TACC2: variants seen among roughly 807,000 people sequenced by gnomAD.
The protein encoded by TACC2 is transforming acidic coiled-coil-containing protein 2.
Under a neutral mutation model 227.3 loss-of-function variants are expected in TACC2, and 137 were observed. That is an observed-to-expected ratio of 0.60 (90% CI 0.52 to 0.69). The LOEUF (loss-of-function observed/expected upper bound fraction) is 0.69. Among genes scored for constraint, TACC2 ranks in the 30% least tolerant of loss-of-function variants. The pLI is 0.00. For missense variants in TACC2, 3,470 were observed against 3,694.4 expected (o/e 0.94, Z 1.57); for synonymous variants, 1,523 against 1,487.5 (o/e 1.02, Z -0.55).
intron 3 of TACC2, among the ~76,000 whole-genome samples, chr10:122,067,994 TTTG>T (rs918863941): frequency 7.2e-5 from 11 of 152,334 alleles, no homozygotes; most frequent in East Asian, 1.9e-4. Context: ...CTGATGCTTT[TTTG>T]TTGTTGTTGT....
chr10:122,221,802 G>A (rs898941188), intron 11 of TACC2, among the ~76,000 whole-genome samples: 3 of 152,128 alleles, frequency 2.0e-5, no homozygotes, highest in Admixed American at 2.0e-4. Context: ...GCTCCACTTG[G>A]AAGATAAGTC....
At chr10:122,075,413 T>G (rs923027946) in intron 3 of TACC2, among the ~76,000 whole-genome samples, 1 of 152,094 alleles carries the variant, frequency 6.6e-6, no homozygotes, top group Non-Finnish European at 1.5e-5. Context: ...ATTGTGGTAG[T>G]TCATCTCAAG....
At position 122,087,084 on chromosome 10, in the gene TACC2, C is replaced by T. The variant is rs374990835; in HGVS notation, c.4584C>T (p.Asp1528=). The T allele has an allele frequency of 2.6e-5, 42 of 1,611,778 alleles. No individual in the cohort carries two copies. The highest frequency in any genetic ancestry group is 1.7e-4 in the South Asian group (15 of 90,856). The change falls in exon 4 of 23, where the codon GAC becomes GAT. Residue 1528 remains aspartate, a synonymous_variant. Transcript: ENST00000369005. ...GTGTCCCACCCACACTGAGGGAAGA[C>T]GAGAGGCCAGAGGGGCCTGGGGCAG... ...MAGVPPTLRE[D]ERPEGPGAAW...
At chr10:122,223,762 A>G (rs1377509347) in intron 11 of TACC2, among the ~76,000 whole-genome samples, 1 of 152,240 alleles carries the variant, frequency 6.6e-6, no homozygotes, top group South Asian at 2.1e-4. Context: ...TTCATCTTAA[A>G]AAAAGTTGAA....
intron 2 of TACC2, among the ~76,000 whole-genome samples, chr10:122,029,496 G>A (rs1958659085): frequency 6.6e-6 from 1 of 152,068 alleles, no homozygotes; most frequent in Non-Finnish European, 1.5e-5. Context: ...GGTAATAGTA[G>A]CCTCACAAAA....
chr10:122,110,736 G>A (rs370874932), intron 5 of TACC2, among the ~76,000 whole-genome samples: 1 of 152,208 alleles, frequency 6.6e-6, no homozygotes, highest in East Asian at 1.9e-4. Flanking sequence ...TTAAGTCACA[G>A]TAATAACCAG....
chr10:122,118,518 T>C (rs1320010151), intron 5 of TACC2, among the ~76,000 whole-genome samples: 1 of 152,148 alleles, frequency 6.6e-6, no homozygotes, highest in East Asian at 1.9e-4. Context: ...TTTTCGTCAG[T>C]TCTTGTTGAA....
intron 16 of TACC2, among the ~76,000 whole-genome samples, chr10:122,234,962 C>T (rs1192344614): frequency 6.6e-6 from 1 of 152,142 alleles, no homozygotes; most frequent in African/African-American, 2.4e-5. Flanking sequence ...TCAGAAGGTC[C>T]ACGCTGAGTT....
At position 122,022,006 on chromosome 10, in the gene TACC2, G is replaced by A; in HGVS notation, c.25G>A (p.Asp9Asn). 6.2e-7 allele frequency: 1 copy of A among 1,614,122 alleles called. No individual in the cohort carries two copies. The highest frequency in any genetic ancestry group is 1.1e-5 in the South Asian group (1 of 91,084). The change falls in exon 2 of 23, where the codon GAC becomes AAC. Residue 9 changes from aspartate to asparagine, a missense_variant. Coordinates refer to ENST00000369005, the MANE Select transcript of TACC2 (RefSeq NM_206862.4). MGNENSTSDNQRTLSAQTP... is the reference protein window; with the variant it reads MGNENSTSNNQRTLSAQTP... Reference sequence around the variant, plus strand: ...CATGGGCAATGAGAACAGCACCTCGGACAACCAGGTGGGTGTCAGGAAGCT... The same window carrying A: ...CATGGGCAATGAGAACAGCACCTCGAACAACCAGGTGGGTGTCAGGAAGCT...
intron 18 of TACC2, among the ~76,000 whole-genome samples, chr10:122,240,815 A>G (rs2095975882): frequency 6.6e-6 from 1 of 152,204 alleles, no homozygotes; most frequent in African/African-American, 2.4e-5. Context: ...CTTTGGAGAA[A>G]GGACGTCTTC....
In TACC2 at chr10:122,074,104, G is replaced by A. The variant is rs528912653; in HGVS notation, c.147-8543G>A. Among the ~76,000 whole-genome samples, 13 of 124,498 alleles carry A rather than the reference G, an allele frequency of 1.0e-4. No individual in the cohort carries two copies. The East Asian group carries it at 1.5e-3, about 14-fold the overall frequency. The allele number at this position is 124,498 out of a possible 152,430, so 81.7% of individuals were successfully genotyped here. ...ATCTTTTTTTTTTTTTTTTTGAGAC[G>A]GAGTATCGCTCTGTTGCACAGGCTG... On this transcript the variant is annotated intron_variant, in intron 3 of 22. Coordinates refer to ENST00000369005, the MANE Select transcript of TACC2 (RefSeq NM_206862.4).
At chr10:122,113,580 G>A (rs887314975) in intron 5 of TACC2, among the ~76,000 whole-genome samples, 7 of 152,116 alleles carry the variant, frequency 4.6e-5, no homozygotes, top group African/African-American at 1.7e-4. Context: ...CCCGTGACCA[G>A]GCTCCCTGCC....
chr10:122,012,958 G>C (rs1347647832), intron 1 of TACC2, among the ~76,000 whole-genome samples: 3 of 152,226 alleles, frequency 2.0e-5, no homozygotes, highest in African/African-American at 7.2e-5. Context: ...GAGTGTGTCT[G>C]GCCTCTGGCC....
chr10:122,203,830 G>A (rs977021543), intron 8 of TACC2, among the ~76,000 whole-genome samples: 1 of 152,088 alleles, frequency 6.6e-6, no homozygotes, highest in Admixed American at 6.5e-5. Context: ...AGGTTGTAGC[G>A]AGCCGAGATC....
intron 5 of TACC2, among the ~76,000 whole-genome samples, chr10:122,094,893 A>G (rs567949985): frequency 1.2e-4 from 19 of 152,314 alleles, no homozygotes; most frequent in African/African-American, 3.8e-4. Context: ...ACTTCTCATT[A>G]TGGCCACCGG....
chr10:122,118,129 T>C (rs1055400712), intron 5 of TACC2, among the ~76,000 whole-genome samples: 6 of 151,862 alleles, frequency 4.0e-5, no homozygotes, highest in South Asian at 2.1e-4. Context: ...GTTCTCCTGC[T>C]TCAGCCTCCC....
At chr10:122,107,935 A>G (rs1031694283) in intron 5 of TACC2, among the ~76,000 whole-genome samples, 12 of 122,262 alleles carry the variant, frequency 9.8e-5, no homozygotes, top group African/African-American at 3.7e-4. Flanking sequence ...ACTGTTGCCC[A>G]GACTGGAGTG....
chr10:122,091,079 A>T (rs1400892661), intron 5 of TACC2, among the ~76,000 whole-genome samples: 1 of 152,144 alleles, frequency 6.6e-6, no homozygotes, highest in Non-Finnish European at 1.5e-5. Flanking sequence ...ATGACTGATT[A>T]TGGTTTTAAC....
chr10:122,026,185 G>A (rs1412448668), intron 2 of TACC2, among the ~76,000 whole-genome samples: 1 of 150,480 alleles, frequency 6.6e-6, no homozygotes, highest in African/African-American at 2.4e-5. Flanking sequence ...AAAATTAGCC[G>A]GGCATGGTGG....
Sources: gnomAD v4.1 joint callset for allele counts (sites outside exome capture counted in the v4.1 genomes callset) on GRCh38, gnomAD v4.1.1 for gene constraint, MANE v1.5 for transcripts, NCBI Gene and HGNC (gene_info 2026-07-23, HGNC 2026-07-21) for gene names.